Variants in NSF observed in about 807,000 individuals in gnomAD.
NSF encodes the protein N-ethylmaleimide sensitive factor, vesicle fusing ATPase, also known as vesicle-fusing ATPase.
NSF carries 14 observed loss-of-function variants against 50.3 expected under a neutral mutation model. The observed-to-expected ratio is 0.28, with a 90% CI of 0.18 to 0.44. The LOEUF (loss-of-function observed/expected upper bound fraction) is 0.44. Ranked by LOEUF, NSF falls within the 20% of genes least tolerant of loss-of-function variation. The probability of loss-of-function intolerance (pLI) is 1.00; values close to 1 mark genes in which losing one functional copy is unlikely to be tolerated. For missense variants in NSF, 218 were observed against 504.3 expected, an observed-to-expected ratio of 0.43 and a Z score of 5.44; for synonymous variants, 109 against 175.7, an observed-to-expected ratio of 0.62 and a Z score of 3.00.
intron 17 of NSF, among the ~76,000 whole-genome samples, chr17:46,742,935 G>A (rs1437739379): frequency 1.3e-5 from 2 of 152,288 alleles, no homozygotes; most frequent in Middle Eastern, 3.4e-3. Flanking sequence ...ATGAAGCCAG[G>A]TTAAGTGATA....
chr17:46,703,680 CAAAAAAAA>C (rs149212597), intron 12 of NSF, among the ~76,000 whole-genome samples: 1 of 37,718 alleles, frequency 2.7e-5, no homozygotes, highest in Admixed American at 2.8e-4. Context: ...GACTCCGTCT[CAAAAAAAA>C]AAAAAAAAAA....
chr17:46,708,491 C>CTTTT (rs140361958), intron 13 of NSF, among the ~76,000 whole-genome samples: 6 of 124,854 alleles, frequency 4.8e-5, no homozygotes, highest in Admixed American at 8.7e-5. Flanking sequence ...GTTACATATC[C>CTTTT]TTTTTTTTTT....
intron 13 of NSF, among the ~76,000 whole-genome samples, chr17:46,707,669 A>G (rs1045215053): frequency 3.9e-5 from 6 of 152,184 alleles, no homozygotes; most frequent in Non-Finnish European, 8.8e-5. Context: ...TTGACGTAGC[A>G]TAATGTCCTC....
At chr17:46,726,505 C>A in intron 15 of NSF, 44 bp from the exon 16 acceptor site, 1 of 1,565,586 alleles carries the variant, frequency 6.4e-7, no homozygotes, top group African/African-American at 1.4e-5. Context: ...ATTGTCGTAA[C>A]TGTGGAGGAC....
chr17:46,635,059 AAC>A (rs1161025255), intron 4 of NSF, among the ~76,000 whole-genome samples: 15 of 74,654 alleles, frequency 2.0e-4, no homozygotes, highest in African/African-American at 9.9e-4. Context: ...AGTGTGAAAA[AAC>A]AGTCTTTGTT....
At chr17:46,621,224 G>A (rs2058063146) in intron 1 of NSF, among the ~76,000 whole-genome samples, 1 of 149,846 alleles carries the variant, frequency 6.7e-6, no homozygotes, top group Admixed American at 6.6e-5. Context: ...TGCAGCAATA[G>A]TTTACCTGTG....
chr17:46,749,009 G>A (rs761116396), intron 17 of NSF, among the ~76,000 whole-genome samples: 11 of 152,140 alleles, frequency 7.2e-5, no homozygotes, highest in Non-Finnish European at 1.6e-4. Flanking sequence ...GGGGGAAGGG[G>A]GGTAGTGCAA....
At chr17:46,703,769 A>G (rs2058632138) in intron 12 of NSF, among the ~76,000 whole-genome samples, 1 of 149,652 alleles carries the variant, frequency 6.7e-6, no homozygotes, top group Non-Finnish European at 1.5e-5. Context: ...AGTGGCATTA[A>G]ATACATTCTT....
In NSF at chr17:46,610,007, C is replaced by CTCTTTCTTTCTTTCTT. The variant is rs200774023; in HGVS notation, c.13-14229_13-14214dup. On this transcript the variant is annotated intron_variant, in intron 1 of 20. Transcript: ENST00000398238. Reference sequence around the variant, plus strand: ...AGGCTAATTTATTTTCTTTCTTTCTCTCTTTCTTTCTTTCTTTCTTTCTCT... The same window carrying CTCTTTCTTTCTTTCTT: ...AGGCTAATTTATTTTCTTTCTTTCTCTCTTTCTTTCTTTCTTTCTTTCTTTCTTTCTTTCTTTCTCT... 1.5e-3 allele frequency among the ~76,000 whole-genome samples: 181 copies of CTCTTTCTTTCTTTCTT among 116,822 alleles called. 2 individuals carry two copies. The highest frequency in any genetic ancestry group is 5.6e-3 in the African/African-American group (177 of 31,510). 76.6% of individuals were successfully genotyped at this position (116,822 alleles called of 152,430 possible).
At chr17:46,740,529 A>G (rs1324605234) in intron 17 of NSF, among the ~76,000 whole-genome samples, 2 of 152,302 alleles carry the variant, frequency 1.3e-5, no homozygotes, top group Non-Finnish European at 1.5e-5. Flanking sequence ...TGTGGATATA[A>G]GAGTGGGGAG....
intron 17 of NSF, among the ~76,000 whole-genome samples, chr17:46,740,662 CT>C (rs36000135): frequency 0.018 from 2,504 of 136,994 alleles, 57 homozygotes; most frequent in African/African-American, 0.051. Flanking sequence ...TTATCTTTTT[CT>C]TTTTTTTTTT....
chr17:46,747,441 C>T (rs575015750), intron 17 of NSF, among the ~76,000 whole-genome samples: 11 of 152,096 alleles, frequency 7.2e-5, no homozygotes, highest in African/African-American at 1.9e-4. Context: ...CCACCACACC[C>T]GGCTAATTTT....
chr17:46,704,899 A>G (rs1157811000), intron 13 of NSF, 45 bp downstream of exon 13: 1 of 1,564,716 alleles, frequency 6.4e-7, no homozygotes. Context: ...AAGTAATGAT[A>G]ATAATAACTC....
intron 9 of NSF, among the ~76,000 whole-genome samples, chr17:46,691,349 C>T (rs2058543949): frequency 1.0e-5 from 1 of 99,232 alleles, no homozygotes; most frequent in Non-Finnish European, 2.0e-5. Flanking sequence ...AATCCCAGCA[C>T]TTTGGGAGGC....
rs2058833462 is a variant in NSF at position 46,721,799 on chromosome 17, G to A, written c.1762-4750G>A. 14 of 1,601,606 alleles carry A rather than the reference G, an allele frequency of 8.7e-6. No individual in the cohort carries two copies. The Admixed American group carries it at 2.0e-4, about 23-fold the overall frequency. The stretch of plus-strand genomic sequence containing the variant: ...CTCAAGGAAGGCATCGTGCACAGCT[G>A]TCAGAGTACGGCTCCTGGGACACTT... On this transcript the variant is annotated intron_variant, in intron 15 of 20. Transcript: ENST00000398238.
chr17:46,740,291 A>G (rs2059056480), intron 17 of NSF, among the ~76,000 whole-genome samples: 1 of 152,204 alleles, frequency 6.6e-6, no homozygotes, highest in Non-Finnish European at 1.5e-5. Flanking sequence ...CTGTAGGGTT[A>G]AATGAGGGCA....
chr17:46,715,145 A>T (rs911098453), intron 15 of NSF, among the ~76,000 whole-genome samples: 1 of 152,212 alleles, frequency 6.6e-6, no homozygotes, highest in Admixed American at 6.5e-5. Flanking sequence ...ATACACATTG[A>T]AGAGTCCAGA....
At chr17:46,749,959 T>C (rs2059165702) in intron 18 of NSF, 52 bp downstream of exon 18, 10 of 1,583,890 alleles carry the variant, frequency 6.3e-6, no homozygotes, top group Non-Finnish European at 8.6e-6. Flanking sequence ...GAATTGAGGC[T>C]GAAATAAGTA....
intron 15 of NSF, among the ~76,000 whole-genome samples, chr17:46,720,454 A>G (rs12947457): frequency 0.15 from 23,308 of 152,078 alleles, 3,515 homozygotes; most frequent in East Asian, 0.6. Flanking sequence ...AGGGAGAACA[A>G]ATAAAGGATT....
Sources: allele counts gnomAD v4.1 joint callset (sites outside exome capture counted in the v4.1 genomes callset), GRCh38; gene constraint gnomAD v4.1.1; transcripts MANE v1.5; gene names NCBI Gene and HGNC (gene_info 2026-07-23, HGNC 2026-07-21).